Variants in SBNO1 observed in about 807,000 individuals in gnomAD.
The protein encoded by SBNO1 is strawberry notch homolog 1.
A neutral mutation model predicts 173.6 loss-of-function variants in SBNO1; 23 were observed. The observed-to-expected ratio is 0.13, with a 90% CI of 0.10 to 0.19. The LOEUF is 0.19. SBNO1 is among the 10% of genes least tolerant of loss of function. SBNO1 has a pLI of 1.00. For missense variants in SBNO1, 1,238 were observed against 1,671.2 expected, an observed-to-expected ratio of 0.74 and a Z score of 4.52; for synonymous variants, 632 against 571.5, an observed-to-expected ratio of 1.11 and a Z score of -1.51.
Position 123,331,392 on chromosome 12 carries a change from T to A in SBNO1, c.910-17A>T, listed in dbSNP as rs7486351. The A allele has an allele frequency of 0.026, 42,274 of 1,611,308 alleles. 691 individuals are homozygous for A. The highest frequency in any genetic ancestry group is 0.031 in the Non-Finnish European group (36,052 of 1,178,278). Reference sequence around the variant, plus strand: ...TTCATGTTGCTGAAAAACAAAAGGCTGGTAATTAATATAATCCTTCAGATA... The same window carrying A: ...TTCATGTTGCTGAAAAACAAAAGGCAGGTAATTAATATAATCCTTCAGATA... On this transcript the variant is annotated splice_polypyrimidine_tract_variant and intron_variant, in intron 7 of 31. Transcript: ENST00000602398.
chr12:123,327,350 A>G, intron 13 of SBNO1, 76 bp downstream of exon 13: 1 of 1,230,378 alleles, frequency 8.1e-7, no homozygotes, highest in Non-Finnish European at 1.2e-6. Context: ...GGCAGGAGGC[A>G]TCGCAATCGC....
intron 24 of SBNO1, 111 bp downstream of exon 24, chr12:123,313,509 T>C: frequency 3.3e-6 from 2 of 608,894 alleles, no homozygotes; most frequent in East Asian, 2.8e-5. Flanking sequence ...CAAAGTTTTA[T>C]ACAATTTATG....
intron 24 of SBNO1, 146 bp from the exon 25 acceptor site, chr12:123,311,275 A>T: frequency 1.6e-6 from 1 of 638,408 alleles, no homozygotes; most frequent in Non-Finnish European, 2.8e-6. Flanking sequence ...AAATGTGGAG[A>T]GAACTGCCCT....
chr12:123,347,088 A>G (rs1873255001), intron 3 of SBNO1, among the ~76,000 whole-genome samples: 1 of 151,736 alleles, frequency 6.6e-6, no homozygotes, highest in African/African-American at 2.4e-5. Context: ...AAAAAAAAAA[A>G]AAAAGAAACA....
At chr12:123,355,895 C>T (rs994740823) in intron 1 of SBNO1, among the ~76,000 whole-genome samples, 28 of 152,220 alleles carry the variant, frequency 1.8e-4, no homozygotes, top group African/African-American at 5.8e-4. Flanking sequence ...TAGAGAAAAA[C>T]TAAGAGCTAG....
In SBNO1 at chr12:123,294,357, G is replaced by C. The variant is rs533779558; in HGVS notation, c.*1551C>G. ...AATTCAACTTAAAAAACATTCAGAA[G>C]TACTATCATTATACCCTTTCCCTCA... On this transcript the variant is annotated 3_prime_UTR_variant, in exon 32 of 32. Transcript: ENST00000602398. The C allele has an allele frequency of 6.6e-6, 1 of 152,038 alleles. No individual in the cohort carries two copies. The highest frequency in any genetic ancestry group is 1.5e-5 in the Non-Finnish European group (1 of 68,020). The allele number at this position is 152,038 out of a possible 1,614,324, so 9.4% of individuals were successfully genotyped here.
chr12:123,351,108 C>A (rs963801677), intron 1 of SBNO1, among the ~76,000 whole-genome samples: 1 of 150,814 alleles, frequency 6.6e-6, no homozygotes, highest in Non-Finnish European at 1.5e-5. Context: ...GGTGACAGAG[C>A]GAGACTCCAT....
chr12:123,359,033 A>G (rs964827762), intron 1 of SBNO1, among the ~76,000 whole-genome samples: 23 of 151,670 alleles, frequency 1.5e-4, no homozygotes, highest in African/African-American at 5.1e-4. Context: ...CCCGGGTTCA[A>G]GTGATTCTCC....
At position 123,320,831 on chromosome 12, in the gene SBNO1, T is replaced by C; in HGVS notation, c.2359A>G (p.Lys787Glu). The change falls in exon 18 of 32, where the codon AAA (lysine) becomes GAA (glutamate). Residue 787 changes from lysine (K) to glutamate (E), a missense_variant. By Grantham distance (56) the Lys-to-Glu change is moderately conservative. Coordinates refer to ENST00000602398, the MANE Select transcript of SBNO1 (RefSeq NM_001167856.3). The stretch of plus-strand genomic sequence containing the variant: ...ATACTTTTCTTCTTTTTTTTCTCTT[T>C]GTTTTTCTTGTGGTCTTTTCTAATT... Reference protein sequence around the residue: ...WLIRKDHKKNKEKKKKKSIDP... With the variant: ...WLIRKDHKKNEEKKKKKSIDP... 1 of 1,594,518 alleles carries C rather than the reference T, an allele frequency of 6.3e-7. No individual in the cohort carries two copies. Among genetic ancestry groups the C allele is most frequent in the Non-Finnish European group, 8.5e-7 (1 of 1,172,800 alleles).
At chr12:123,296,555 G>GTTTTTTTT in intron 31 of SBNO1, among the ~76,000 whole-genome samples, 1 of 140,426 alleles carries the variant, frequency 7.1e-6, no homozygotes, top group Non-Finnish European at 1.5e-5. Context: ...ATATATATGT[G>GTTTTTTTT]TTTTTTTTTT....
chr12:123,357,115 C>A (rs1223276065), intron 1 of SBNO1, among the ~76,000 whole-genome samples: 1 of 152,130 alleles, frequency 6.6e-6, no homozygotes, highest in Non-Finnish European at 1.5e-5. Context: ...ACAGCAGTTA[C>A]AAAGAAGTTA....
chr12:123,336,607 C>G (rs116010053), intron 5 of SBNO1, 116 bp from the exon 6 acceptor site: 1 of 650,666 alleles, frequency 1.5e-6, no homozygotes, highest in Non-Finnish European at 2.7e-6. Flanking sequence ...AAACATGACG[C>G]GCCACCTCAA....
At chr12:123,300,164 T>C (rs2048737809) in intron 30 of SBNO1, among the ~76,000 whole-genome samples, 1 of 152,140 alleles carries the variant, frequency 6.6e-6, no homozygotes, top group Non-Finnish European at 1.5e-5. Context: ...TCTAATACAG[T>C]GTTAAATGTA....
At chr12:123,296,860 T>C (rs1365435806) in intron 31 of SBNO1, among the ~76,000 whole-genome samples, 1 of 150,322 alleles carries the variant, frequency 6.7e-6, no homozygotes, top group Non-Finnish European at 1.5e-5. Flanking sequence ...TGCCCGGCCC[T>C]ATTTGTTTTT....
chr12:123,318,973 T>G (rs970842422), intron 20 of SBNO1, among the ~76,000 whole-genome samples: 26 of 151,922 alleles, frequency 1.7e-4, no homozygotes, highest in Admixed American at 6.6e-4. Context: ...GAACGTTTTT[T>G]TTTTTTTTTT....
At chr12:123,303,412 G>A (rs558122154) in intron 29 of SBNO1, among the ~76,000 whole-genome samples, 1 of 152,172 alleles carries the variant, frequency 6.6e-6, no homozygotes, top group African/African-American at 2.4e-5. Flanking sequence ...TTGGGAGGCT[G>A]AGGCGGGTGG....
At chr12:123,350,181 G>A (rs770925244) in intron 2 of SBNO1, 129 bp downstream of exon 2, 50 of 1,012,986 alleles carry the variant, frequency 4.9e-5, no homozygotes, top group Non-Finnish European at 7.2e-5. Flanking sequence ...TTGAGCCTGG[G>A]AGGTTGAGGC....
In SBNO1 at chr12:123,309,762, A is replaced by G. The variant is rs1375733506; in HGVS notation, c.3390T>C (p.Thr1130=). The G allele has an allele frequency of 6.2e-7, 1 of 1,613,214 alleles. No individual in the cohort carries two copies. The highest frequency in any genetic ancestry group is 8.5e-7 in the Non-Finnish European group (1 of 1,179,790). The change falls in exon 26 of 32, where the codon ACT becomes ACC. Residue 1130 remains threonine, a synonymous_variant. Transcript: ENST00000602398. ...TTTTTTTGGCATTTTGAACAACTGC[A>G]GTAAGTGTGTCCGCAAAATACTGAA... ...ALFQYFADTL[T]AVVQNAKKNG... is the part of the protein sequence containing the mutation.
chr12:123,296,335 T>C (rs2048593569), intron 31 of SBNO1, among the ~76,000 whole-genome samples: 1 of 122,572 alleles, frequency 8.2e-6, no homozygotes, highest in Non-Finnish European at 1.8e-5. Context: ...AACAGGAGGT[T>C]AAGAATATCT....
Sources: gnomAD v4.1 joint callset for allele counts (sites outside exome capture counted in the v4.1 genomes callset) on GRCh38, gnomAD v4.1.1 for gene constraint, MANE v1.5 for transcripts, NCBI Gene and HGNC (gene_info 2026-07-23, HGNC 2026-07-21) for gene names.